The following PAPSS1 variants were observed in gnomAD, a reference collection of about 807,000 sequenced individuals.
The protein encoded by PAPSS1 is bifunctional 3'-phosphoadenosine 5'-phosphosulfate synthase 1.
Under a neutral mutation model 72.0 loss-of-function variants are expected in PAPSS1, and 50 were observed. The observed-to-expected ratio is 0.69, with a 90% CI of 0.55 to 0.88. The LOEUF (loss-of-function observed/expected upper bound fraction) is 0.88. Ranked by LOEUF, PAPSS1 falls within the 40% of genes least tolerant of loss-of-function variation. PAPSS1 has a pLI of 0.00. For synonymous variants in PAPSS1, 261 were observed against 263.6 expected, an observed-to-expected ratio of 0.99 and a Z score of 0.09; for missense variants, 657 against 782.2, an observed-to-expected ratio of 0.84 and a Z score of 1.91.
At chr4:107,622,994 G>T (rs28733251) in intron 11 of PAPSS1, among the ~76,000 whole-genome samples, 36,506 of 152,150 alleles carry the variant, frequency 0.24, 4,997 homozygotes, top group Middle Eastern at 0.33. Context: ...TATACTACAA[G>T]TCCTACTGAC....
intron 1 of PAPSS1, among the ~76,000 whole-genome samples, chr4:107,703,713 T>C (rs1333764769): frequency 6.6e-6 from 1 of 152,220 alleles, no homozygotes; most frequent in Non-Finnish European, 1.5e-5. Context: ...GTATGGTTTA[T>C]ATGTTTGTTT....
chr4:107,719,003 G>C (rs2125946101), intron 1 of PAPSS1, among the ~76,000 whole-genome samples: 1 of 152,318 alleles, frequency 6.6e-6, no homozygotes, highest in African/African-American at 2.4e-5. Flanking sequence ...GCTGGGATGA[G>C]AGACCAGGCC....
At chr4:107,660,137 T>C (rs1367074685) in intron 5 of PAPSS1, 65 bp from the exon 6 acceptor site, 7 of 819,912 alleles carry the variant, frequency 8.5e-6, no homozygotes, top group Non-Finnish European at 1.3e-5. Flanking sequence ...CCAAAGGGTA[T>C]CTTAATGAAG....
chr4:107,699,698 A>G (rs1206457307), intron 2 of PAPSS1, among the ~76,000 whole-genome samples: 1 of 152,196 alleles, frequency 6.6e-6, no homozygotes, highest in Non-Finnish European at 1.5e-5. Flanking sequence ...GAACGCTCCT[A>G]AAAAGAAAAA....
chr4:107,675,637 C>G (rs956179892), intron 5 of PAPSS1, among the ~76,000 whole-genome samples: 15 of 152,176 alleles, frequency 9.9e-5, no homozygotes, highest in Non-Finnish European at 1.9e-4. Flanking sequence ...CCTTCTGAAA[C>G]TGTTCCAATC....
Position 107,639,835 on chromosome 4 carries a change from G to A in PAPSS1, c.1506+4967C>T, listed in dbSNP as rs180910961. 2.0e-4 allele frequency among the ~76,000 whole-genome samples: 30 copies of A among 152,288 alleles called. 1 individual carries two copies. The highest frequency in any genetic ancestry group is 2.0e-3 in the Admixed American group (30 of 15,292). ...GCTCCAGATACTGGTGTAAAGCACAGACTAATTAAACAAGCACACTGGCAT... is the reference window on the plus strand; with the variant it reads ...GCTCCAGATACTGGTGTAAAGCACAAACTAATTAAACAAGCACACTGGCAT... On this transcript the variant is annotated intron_variant, in intron 10 of 11. Coordinates refer to ENST00000265174, the MANE Select transcript of PAPSS1 (RefSeq NM_005443.5).
At chr4:107,661,810 G>T in intron 5 of PAPSS1, among the ~76,000 whole-genome samples, 1 of 151,708 alleles carries the variant, frequency 6.6e-6, no homozygotes, top group South Asian at 2.1e-4. Flanking sequence ...ATGTTCAGTA[G>T]AAAAAAAAGG....
chr4:107,684,473 T>G (rs545612091), intron 4 of PAPSS1, among the ~76,000 whole-genome samples: 1 of 152,298 alleles, frequency 6.6e-6, no homozygotes, highest in African/African-American at 2.4e-5. Context: ...AGAATCTTTA[T>G]TAACAAAACT....
At chr4:107,719,897 C>A in intron 1 of PAPSS1, 1 of 1,357,364 alleles carries the variant, frequency 7.4e-7, no homozygotes, top group Non-Finnish European at 9.4e-7. Flanking sequence ...GTGGCTCGGA[C>A]CGCACGCTGC....
At position 107,631,695 on chromosome 4, in the gene PAPSS1, C is replaced by T. The variant is rs551936839; in HGVS notation, c.1672G>A (p.Val558Ile). Residue 558 changes from valine to isoleucine, a missense_variant, in exon 11 of 12, where the codon GTT becomes ATT. By Grantham distance (29) the Val-to-Ile change is conservative. Coordinates refer to ENST00000265174, the MANE Select transcript of PAPSS1 (RefSeq NM_005443.5). ...MAPGLITLEI[V>I]PFRVAAYNKK... ...TTGTAAGCTGCAACTCGAAAGGGAA[C>T]TATTTCCAAAGTGATTAAACCAGGG... 1.4e-5 allele frequency: 22 copies of T among 1,614,122 alleles called. No homozygotes were observed. The South Asian group carries it at 2.1e-4, about 15-fold the overall frequency.
intron 1 of PAPSS1, among the ~76,000 whole-genome samples, chr4:107,710,795 A>G (rs1438108650): frequency 6.6e-6 from 1 of 152,186 alleles, no homozygotes; most frequent in Non-Finnish European, 1.5e-5. Flanking sequence ...ATCTGCAAAG[A>G]TGGACAGCTC....
At chr4:107,618,373 ATT>A (rs749711217) in intron 11 of PAPSS1, among the ~76,000 whole-genome samples, 11 of 143,724 alleles carry the variant, frequency 7.7e-5, no homozygotes, top group Admixed American at 1.4e-4. Flanking sequence ...TTGAGATGTG[ATT>A]TTTTTTTTTT....
chr4:107,676,388 T>A lies in PAPSS1; in HGVS notation c.669+5627A>T, dbSNP rs1352174941. 5.3e-5 allele frequency among the ~76,000 whole-genome samples: 8 copies of A among 152,082 alleles called. 1 individual carries two copies. In the South Asian group the frequency reaches 1.7e-3, roughly 32 times the overall value. On this transcript the variant is annotated intron_variant, in intron 5 of 11. Transcript: ENST00000265174. Reference sequence around the variant, plus strand: ...AATCACAAGCATTCTTATACACCAATAACAGACAAACAGAGAGCCAAATCA... The same window carrying A: ...AATCACAAGCATTCTTATACACCAAAAACAGACAAACAGAGAGCCAAATCA...
At position 107,653,567 on chromosome 4, in the gene PAPSS1, A is replaced by T; in HGVS notation, c.1161T>A (p.Val387=). 1 of 1,613,464 alleles carries T rather than the reference A, an allele frequency of 6.2e-7. No homozygotes were observed. Among genetic ancestry groups the T allele is most frequent in the Non-Finnish European group, 8.5e-7 (1 of 1,179,590 alleles). The part of the protein sequence containing the change: ...IGGDLQVLDR[V]YWNDGLDQYR... ...ACTGATCAAGACCATCATTCCAATA[A>T]ACTCGATCCAAGACTTGAAGATCTC... Residue 387 remains valine, a synonymous_variant, in exon 9 of 12, where the codon GTT becomes GTA. Coordinates refer to ENST00000265174, the MANE Select transcript of PAPSS1 (RefSeq NM_005443.5).
intron 7 of PAPSS1, among the ~76,000 whole-genome samples, chr4:107,656,568 C>G (rs529627685): frequency 1.3e-5 from 2 of 152,282 alleles, no homozygotes; most frequent in African/African-American, 4.8e-5. Flanking sequence ...AAACGCAGCA[C>G]GTACATGCCC....
chr4:107,626,346 A>G (rs1182338753), intron 11 of PAPSS1, among the ~76,000 whole-genome samples: 1 of 152,170 alleles, frequency 6.6e-6, no homozygotes, highest in Non-Finnish European at 1.5e-5. Context: ...TGAGTTTACT[A>G]TTTCACTAAT....
In PAPSS1 at chr4:107,701,223, A is replaced by T; in HGVS notation, c.123T>A (p.Gly41=). The part of the protein sequence containing the change: ...QAHHVSRNKR[G]QVVGTRGGFR... ...AGCCACCTCTGGTCCCCACCACCTG[A>T]CCTCTCTTGTTCCTGCTGACATGAT... Residue 41 remains glycine (G), a synonymous_variant, in exon 2 of 12, where the codon GGT becomes GGA. Coordinates refer to ENST00000265174, the MANE Select transcript of PAPSS1 (RefSeq NM_005443.5). The T allele has an allele frequency of 5.0e-6, 8 of 1,613,280 alleles. No individual in the cohort carries two copies. The highest frequency in any genetic ancestry group is 5.1e-6 in the Non-Finnish European group (6 of 1,179,748).
chr4:107,620,517 C>T (rs914395582), intron 11 of PAPSS1, among the ~76,000 whole-genome samples: 1 of 152,176 alleles, frequency 6.6e-6, no homozygotes, highest in African/African-American at 2.4e-5. Context: ...GTTTTCCTCC[C>T]AGCACTCCAG....
rs368209438 is a variant in PAPSS1 at position 107,633,690 on chromosome 4, C to T, written c.1507-1830G>A. Among the ~76,000 whole-genome samples the T allele has an allele frequency of 7.2e-5, 11 of 151,920 alleles. No homozygotes were observed. In the East Asian group the frequency reaches 9.7e-4, roughly 13 times the overall value. On this transcript the variant is annotated intron_variant, in intron 10 of 11. Transcript: ENST00000265174. The stretch of plus-strand genomic sequence containing the variant: ...ATCCCAGCACTTTGGGAGGCTGAGG[C>T]GGGCAGATCACGAGGTCAGGAGATT...
Sources: allele counts gnomAD v4.1 joint callset (sites outside exome capture counted in the v4.1 genomes callset), GRCh38; gene constraint gnomAD v4.1.1; transcripts MANE v1.5; gene names NCBI Gene and HGNC (gene_info 2026-07-23, HGNC 2026-07-21).